USP15: variants seen among roughly 807,000 people sequenced by gnomAD.
USP15 encodes ubiquitin carboxyl-terminal hydrolase 15.
In USP15, 18 loss-of-function variants were observed where a neutral mutation model predicts 127.1. The observed-to-expected ratio is 0.14, with a 90% CI of 0.10 to 0.21. The LOEUF (loss-of-function observed/expected upper bound fraction) is 0.21. Ranked by LOEUF, USP15 falls within the 10% of genes least tolerant of loss-of-function variation. The pLI, the probability that USP15 is intolerant of heterozygous loss-of-function variation, is 1.00. For missense variants in USP15, 805 were observed against 1,159.9 expected, an observed-to-expected ratio of 0.69 and a Z score of 4.44; for synonymous variants, 364 against 393.7, an observed-to-expected ratio of 0.92 and a Z score of 0.89.
intron 1 of USP15, among the ~76,000 whole-genome samples, chr12:62,270,037 C>T (rs541366198): frequency 3.2e-4 from 49 of 151,974 alleles, no homozygotes; most frequent in African/African-American, 1.2e-3. Flanking sequence ...CTCGTCAGCA[C>T]TTATGTTCTT....
chr12:62,292,406 C>T (rs988802580), intron 1 of USP15, among the ~76,000 whole-genome samples: 2 of 152,202 alleles, frequency 1.3e-5, no homozygotes, highest in Non-Finnish European at 2.9e-5. Context: ...CCCTGAAACT[C>T]TAGGCAGAGA....
Position 62,337,867 on chromosome 12 carries a change from T to G in USP15, c.684-11354T>G, listed in dbSNP as rs542452775. Among the ~76,000 whole-genome samples the G allele has an allele frequency of 1.8e-4, 27 of 152,310 alleles. No individual in the cohort carries two copies. The East Asian group carries it at 5.0e-3, about 28-fold the overall frequency. ...TGGTGTATATGTGCCACATTTTCTT[T>G]ATCCAGTCTATCAGGATGGAGATTT... On this transcript the variant is annotated intron_variant, in intron 6 of 21. Coordinates refer to ENST00000280377, the MANE Select transcript of USP15 (RefSeq NM_001252078.2).
chr12:62,390,822 C>A, intron 14 of USP15, 42 bp from the exon 15 acceptor site: 1 of 1,430,546 alleles, frequency 7.0e-7, no homozygotes, highest in Non-Finnish European at 9.6e-7. Context: ...AAGTTTTTAT[C>A]TTTGTAGTAC....
intron 3 of USP15, chr12:62,303,472 A>G (rs1565835614): frequency 6.6e-6 from 1 of 152,276 alleles, no homozygotes; most frequent in Non-Finnish European, 1.5e-5. Flanking sequence ...CTGTAGTAGA[A>G]TACCAAATAT....
intron 6 of USP15, 150 bp downstream of exon 6, chr12:62,326,083 C>A: frequency 1.6e-6 from 1 of 618,466 alleles, no homozygotes; most frequent in Non-Finnish European, 2.6e-6. Flanking sequence ...AGTATACAAG[C>A]TATCTAAATT....
At chr12:62,306,890 G>T (rs1252226173) in intron 3 of USP15, among the ~76,000 whole-genome samples, 2 of 152,112 alleles carry the variant, frequency 1.3e-5, no homozygotes, top group African/African-American at 2.4e-5. Flanking sequence ...CAGACAAAAG[G>T]CCCTATAAAG....
chr12:62,289,626 C>A (rs992113237), intron 1 of USP15, among the ~76,000 whole-genome samples: 1 of 148,538 alleles, frequency 6.7e-6, no homozygotes, highest in Non-Finnish European at 1.5e-5. Flanking sequence ...ATCTTTATGT[C>A]TTTTCTTCTG....
intron 3 of USP15, among the ~76,000 whole-genome samples, chr12:62,310,533 TCATC>T (rs920860715): frequency 6.6e-6 from 1 of 151,938 alleles, no homozygotes; most frequent in African/African-American, 2.4e-5. Flanking sequence ...ACCTCCGGCT[TCATC>T]CATGTTGCTC....
At chr12:62,273,876 G>T (rs1183659791) in intron 1 of USP15, among the ~76,000 whole-genome samples, 1 of 152,040 alleles carries the variant, frequency 6.6e-6, no homozygotes, top group Admixed American at 6.6e-5. Context: ...AAAGTGGATT[G>T]TTAGAAATTG....
At chr12:62,316,541 TTAAAA>T (rs1394007589) in intron 4 of USP15, among the ~76,000 whole-genome samples, 1 of 152,054 alleles carries the variant, frequency 6.6e-6, no homozygotes, top group African/African-American at 2.4e-5. Flanking sequence ...GGGTAGTCTG[TTAAAA>T]TTAATTCAGA....
Position 62,396,396 on chromosome 12 carries a change from A to G in USP15, c.2672A>G (p.His891Arg). Residue 891 changes from histidine to arginine, a missense_variant and splice_region_variant, in exon 20 of 22, where the codon CAC becomes CGC. Physicochemically the swap from His to Arg is conservative, Grantham distance 29. Transcript: ENST00000280377. The part of the protein sequence containing the change: ...SNHYGGMGGG[H>R]YTAFAKNKDD... ...CACTATGGAGGGATGGGAGGAGGAC[A>G]CTGTAAGTTGACAGTTTGCCTTTTT... The G allele has an allele frequency of 6.2e-7, 1 of 1,613,126 alleles. No homozygotes were observed. The highest frequency in any genetic ancestry group is 8.5e-7 in the Non-Finnish European group (1 of 1,179,458).
rs996751200 is a variant in USP15 at position 62,416,214 on chromosome 12, G to A, written c.*11839G>A. 6 of 152,178 alleles carry A rather than the reference G, an allele frequency of 3.9e-5. No individual in the cohort carries two copies. The highest frequency in any genetic ancestry group is 1.4e-4 in the African/African-American group (6 of 41,434). The allele number at this position is 152,178 out of a possible 1,614,324, so 9.4% of individuals were successfully genotyped here. A position where few individuals can be genotyped will look rare whatever the true frequency, so the allele number is the denominator to read the frequency against. ...ACTCCTTCAAGACTTGCTCCAAAAT[G>A]CACTTGCTAGATCTTCTGACATCAA... is the stretch of plus-strand genomic sequence containing the variant. On this transcript the variant is annotated 3_prime_UTR_variant, in exon 22 of 22. Coordinates refer to ENST00000280377, the MANE Select transcript of USP15 (RefSeq NM_001252078.2).
At chr12:62,334,723 A>G (rs1313462841) in intron 6 of USP15, among the ~76,000 whole-genome samples, 2 of 152,114 alleles carry the variant, frequency 1.3e-5, no homozygotes, top group Admixed American at 6.5e-5. Context: ...TTGTTTTACA[A>G]TGTTGGGTTT....
intron 6 of USP15, 64 bp from the exon 7 acceptor site, chr12:62,349,157 T>C (rs2065900706): frequency 2.0e-6 from 2 of 1,007,002 alleles, no homozygotes; most frequent in Non-Finnish European, 2.8e-6. Flanking sequence ...TGTTCTTTTA[T>C]TTCATAATTA....
intron 6 of USP15, chr12:62,334,218 T>A (rs1004708315): frequency 1.3e-4 from 20 of 152,200 alleles, no homozygotes; most frequent in African/African-American, 4.8e-4. Context: ...TTTTTAAAGC[T>A]AAGTTTCTGA....
At chr12:62,286,822 G>A (rs7975065) in intron 1 of USP15, among the ~76,000 whole-genome samples, 46,839 of 151,502 alleles carry the variant, frequency 0.31, 7,474 homozygotes, top group African/African-American at 0.38. Flanking sequence ...CTGTAATCCC[G>A]GCTACTCGGA....
At chr12:62,330,692 A>T (rs970554285) in intron 6 of USP15, among the ~76,000 whole-genome samples, 2 of 151,282 alleles carry the variant, frequency 1.3e-5, no homozygotes, top group Non-Finnish European at 2.9e-5. Context: ...AGGCCAGAAT[A>T]GGAGTATCAC....
chr12:62,336,028 A>G (rs768906785), intron 6 of USP15: 324 of 984,492 alleles, frequency 3.3e-4, no homozygotes, highest in African/African-American at 4.0e-4. Context: ...TATGTAGTCT[A>G]TGTGATAGGC....
intron 5 of USP15, among the ~76,000 whole-genome samples, chr12:62,322,822 T>TTTATAC (rs2065022236): frequency 6.6e-6 from 1 of 152,162 alleles, no homozygotes; most frequent in Non-Finnish European, 1.5e-5. Flanking sequence ...ATTATCTTTG[T>TTTATAC]TTTGTGGTTT....
Sources: gnomAD v4.1 joint callset for allele counts (sites outside exome capture counted in the v4.1 genomes callset) on GRCh38, gnomAD v4.1.1 for gene constraint, MANE v1.5 for transcripts, NCBI Gene and HGNC (gene_info 2026-07-23, HGNC 2026-07-21) for gene names.